TENM3: variants seen among roughly 807,000 people sequenced by gnomAD.
TENM3 encodes teneurin transmembrane protein 3.
TENM3 carries 63 observed loss-of-function variants against 255.1 expected under a neutral mutation model. The ratio of observed to expected loss-of-function variants is 0.25; its 90% CI spans 0.20 to 0.30. TENM3 has a LOEUF of 0.30. TENM3 is among the 10% of genes least tolerant of loss of function. The pLI is 1.00. For synonymous variants in TENM3, 1,306 were observed against 1,322.3 expected (o/e 0.99, Z 0.27); for missense variants, 2,929 against 3,461.1 (o/e 0.85, Z 3.86).
chr4:182,156,976 A>T (rs968198090), intron 1 of TENM3, among the ~76,000 whole-genome samples: 1 of 152,238 alleles, frequency 6.6e-6, no homozygotes, highest in Admixed American at 6.5e-5. Flanking sequence ...TAAGAAAGCC[A>T]GGAGAGGTAA....
At chr4:182,645,660 A>T (rs1581199253) in intron 5 of TENM3, among the ~76,000 whole-genome samples, 1 of 152,260 alleles carries the variant, frequency 6.6e-6, no homozygotes, top group South Asian at 2.1e-4. Flanking sequence ...TGTGCTTCCA[A>T]GCTCACACAC....
At chr4:182,525,876 C>A (rs1418245776) in intron 3 of TENM3, among the ~76,000 whole-genome samples, 1 of 152,222 alleles carries the variant, frequency 6.6e-6, no homozygotes, top group East Asian at 1.9e-4. Context: ...AGGACATAAT[C>A]AGGAAAACAC....
chr4:182,649,748 C>T (rs1220016137), intron 5 of TENM3, among the ~76,000 whole-genome samples: 1 of 150,310 alleles, frequency 6.7e-6, no homozygotes, highest in African/African-American at 2.4e-5. Context: ...GCCCAGGACA[C>T]ACAGATGTCA....
chr4:182,754,310 G>A lies in TENM3; in HGVS notation c.4018-75G>A, dbSNP rs1762570773. 1 of 1,404,754 alleles carries A rather than the reference G, an allele frequency of 7.1e-7. No homozygotes were observed. 87.0% of individuals were successfully genotyped at this position (1,404,754 alleles called of 1,614,324 possible). A position where few individuals can be genotyped will look rare whatever the true frequency, so the allele number is the denominator to read the frequency against. On this transcript the variant is annotated intron_variant, in intron 21 of 27. Coordinates refer to ENST00000511685, the MANE Select transcript of TENM3 (RefSeq NM_001080477.4). This position sits in a 1 kb window ranked among gnomAD's most constrained non-coding sequence, Gnocchi z 5.1. ...CAGATTAATGCCAATTTCCCTGAAT[G>A]GTCTAATTTACTCTTCTGGCGAATT...
At chr4:182,615,219 G>C (rs982729194) in intron 4 of TENM3, among the ~76,000 whole-genome samples, 1 of 151,856 alleles carries the variant, frequency 6.6e-6, no homozygotes, top group Non-Finnish European at 1.5e-5. Flanking sequence ...AGAATGATTA[G>C]AAGTAGCTCT....
chr4:182,791,726 G>A (rs528336903), intron 25 of TENM3, among the ~76,000 whole-genome samples: 13 of 152,126 alleles, frequency 8.5e-5, no homozygotes, highest in South Asian at 2.1e-4. Context: ...TTTTGGTGTC[G>A]ATGCTTTGTA....
chr4:182,392,200 C>T (rs2045405), intron 3 of TENM3, among the ~76,000 whole-genome samples: 106,403 of 152,084 alleles, frequency 0.7, 40,124 homozygotes, highest in Non-Finnish European at 0.86. Context: ...TTCCTCTAAG[C>T]GGCTCTCCAT....
At chr4:181,730,879 C>G in the TENM3 span, among the ~76,000 whole-genome samples, 7 of 152,096 alleles carry the variant, frequency 4.6e-5, no homozygotes, top group African/African-American at 1.7e-4. Flanking sequence ...ATATGTTTCA[C>G]AAGATAAGAT....
chr4:181,463,260 T>C, the TENM3 span, among the ~76,000 whole-genome samples: 94,764 of 152,110 alleles, frequency 0.62, 30,234 homozygotes, highest in African/African-American at 0.73. Context: ...ATACCACATC[T>C]TCCCTGATGC....
chr4:182,674,737 G>C (rs575956562), intron 7 of TENM3, among the ~76,000 whole-genome samples: 2 of 151,912 alleles, frequency 1.3e-5, no homozygotes, highest in South Asian at 4.2e-4. Context: ...CACCGCCCCC[G>C]GCTAATTTTT....
the TENM3 span, among the ~76,000 whole-genome samples, chr4:181,734,573 T>A: frequency 6.6e-6 from 1 of 152,116 alleles, no homozygotes; most frequent in East Asian, 1.9e-4. Context: ...CAATGTTGAG[T>A]GCAGAAGACC....
At chr4:182,237,725 AT>A (rs761134247) in intron 1 of TENM3, among the ~76,000 whole-genome samples, 4 of 152,238 alleles carry the variant, frequency 2.6e-5, no homozygotes, top group Non-Finnish European at 5.9e-5. Context: ...ATACCTGGCA[AT>A]TAAACATGTT....
intron 4 of TENM3, among the ~76,000 whole-genome samples, chr4:182,620,050 A>G (rs1050412871): frequency 6.6e-6 from 1 of 152,192 alleles, no homozygotes; most frequent in South Asian, 2.1e-4. Flanking sequence ...ATGCCAGGTC[A>G]AAAGCATATG....
At chr4:182,706,474 G>A (rs1036364475) in intron 12 of TENM3, among the ~76,000 whole-genome samples, 12 of 152,136 alleles carry the variant, frequency 7.9e-5, no homozygotes, top group African/African-American at 1.7e-4. Flanking sequence ...AGGAACAGAT[G>A]GGTGAAGGAC....
chr4:182,105,573 C>T, the TENM3 span, among the ~76,000 whole-genome samples: 8 of 152,152 alleles, frequency 5.3e-5, no homozygotes, highest in Non-Finnish European at 1.0e-4. Context: ...GGAAGATGTA[C>T]GTAGGGCCGA....
At position 182,558,100 on chromosome 4, in the gene TENM3, C is replaced by T. The variant is rs138014771; in HGVS notation, c.512-42824C>T. ...GGGTTTAAATGGCATCTGAGGTAATCGTGAGTTTCTGGGTTACTTTGCAGT... is the reference window on the plus strand; with the variant it reads ...GGGTTTAAATGGCATCTGAGGTAATTGTGAGTTTCTGGGTTACTTTGCAGT... On this transcript the variant is annotated intron_variant, in intron 3 of 27. Transcript: ENST00000511685. 2.7e-3 allele frequency among the ~76,000 whole-genome samples: 408 copies of T among 152,208 alleles called. 1 individual carries two copies. Among genetic ancestry groups the T allele is most frequent in the African/African-American group, 9.0e-3 (375 of 41,538 alleles).
rs193168817 is a variant in TENM3, at chr4:182,322,496, G to A, written c.-75-1450G>A. Among the ~76,000 whole-genome samples, 48 of 152,278 alleles carry A rather than the reference G, an allele frequency of 3.2e-4. No individual in the cohort carries two copies. The East Asian group carries it at 6.6e-3, about 21-fold the overall frequency. On this transcript the variant is annotated intron_variant, in intron 1 of 27. Coordinates refer to ENST00000511685, the MANE Select transcript of TENM3 (RefSeq NM_001080477.4). ...CGCAGGGAGTCTTGCCACTCTTCTT[G>A]TAGCTGATGGAAGGCAAAACTTGGA... is the stretch of plus-strand genomic sequence containing the variant.
the TENM3 span, among the ~76,000 whole-genome samples, chr4:182,014,091 C>T: frequency 1.1e-5 from 1 of 91,376 alleles, no homozygotes; most frequent in Non-Finnish European, 2.3e-5. Context: ...CGTATATATA[C>T]GTGTATATAC....
At chr4:182,349,881 G>T (rs762324205) in intron 3 of TENM3, 1 of 342,706 alleles carries the variant, frequency 2.9e-6, no homozygotes, top group South Asian at 2.3e-5. Flanking sequence ...ATCACTAAAG[G>T]TTGAAAAGAG....
Sources: allele counts gnomAD v4.1 joint callset (sites outside exome capture counted in the v4.1 genomes callset), GRCh38; gene constraint gnomAD v4.1.1; non-coding constraint Gnocchi (gnomAD v3.1); transcripts MANE v1.5; gene names NCBI Gene and HGNC (gene_info 2026-07-23, HGNC 2026-07-21).